Variants in PUM2 observed in about 807,000 individuals in gnomAD.
PUM2 encodes pumilio RNA binding family member 2.
A neutral mutation model predicts 124.5 loss-of-function variants in PUM2; 57 were observed. The observed-to-expected ratio is 0.46, with a 90% confidence interval of 0.37 to 0.57. The LOEUF (loss-of-function observed/expected upper bound fraction) is 0.57, where lower values mean the gene tolerates loss of function less well. PUM2 is among the 20% of genes least tolerant of loss of function. The probability of loss-of-function intolerance (pLI) is 0.00; values close to 1 mark genes in which losing one functional copy is unlikely to be tolerated. For synonymous variants in PUM2, 460 were observed against 446.1 expected (o/e 1.03, Z -0.39); for missense variants, 1,065 against 1,290.6 (o/e 0.83, Z 2.68).
intron 19 of PUM2, 64 bp downstream of exon 19, chr2:20,254,799 G>A: frequency 1.3e-6 from 2 of 1,512,050 alleles, no homozygotes; most frequent in Non-Finnish European, 1.8e-6. Context: ...GTATTTCTGT[G>A]ATAACTAATA....
At chr2:20,283,296 T>C in intron 11 of PUM2, 47 bp downstream of exon 11, 2 of 1,607,590 alleles carry the variant, frequency 1.2e-6, no homozygotes, top group Non-Finnish European at 1.7e-6. Context: ...AAAAATGGTA[T>C]CTCAACACCA....
intron 7 of PUM2, among the ~76,000 whole-genome samples, chr2:20,306,604 CTTTT>C (rs752275959): frequency 1.0e-4 from 13 of 126,454 alleles, no homozygotes; most frequent in African/African-American, 3.9e-4. Flanking sequence ...TAAATGTGGA[CTTTT>C]TTTTTTTTTT....
intron 13 of PUM2, among the ~76,000 whole-genome samples, chr2:20,265,470 A>C (rs1051720315): frequency 6.6e-6 from 1 of 152,212 alleles, no homozygotes; most frequent in Non-Finnish European, 1.5e-5. Context: ...ACAATAATTG[A>C]TCACTAGCCC....
intron 13 of PUM2, among the ~76,000 whole-genome samples, chr2:20,265,128 T>C (rs1478257831): frequency 6.6e-6 from 1 of 151,946 alleles, no homozygotes; most frequent in Non-Finnish European, 1.5e-5. Flanking sequence ...GGCGTGCACC[T>C]GTAATCCCAG....
intron 4 of PUM2, 53 bp downstream of exon 4, chr2:20,312,183 A>G: frequency 6.9e-7 from 1 of 1,453,276 alleles, no homozygotes; most frequent in South Asian, 1.3e-5. Flanking sequence ...AAAGTAACGT[A>G]ACCAAATAAC....
Position 20,312,299 on chromosome 2 carries a change from T to C in PUM2, c.285A>G (p.Val95=), listed in dbSNP as rs1679785692. Residue 95 remains valine, a synonymous_variant, in exon 4 of 21, where the codon GTA becomes GTG. Transcript: ENST00000361078. ...SESGGLGVSM[V]EYVLSSSPAD... ...CAGGAGAAGAACTTAATACATATTC[T>C]ACCATGCTCACACCAAGGCCTCCAC... 1.2e-6 allele frequency: 2 copies of C among 1,613,588 alleles called. No homozygotes were observed. Among genetic ancestry groups the C allele is most frequent in the African/African-American group, 1.3e-5 (1 of 75,036 alleles).
At chr2:20,319,209 T>C (rs144210311) in intron 2 of PUM2, among the ~76,000 whole-genome samples, 2 of 152,310 alleles carry the variant, frequency 1.3e-5, no homozygotes, top group African/African-American at 2.4e-5. Context: ...CTCTATCCTA[T>C]ACTGTGACAT....
At chr2:20,287,098 G>A (rs1460721249) in intron 10 of PUM2, among the ~76,000 whole-genome samples, 1 of 152,136 alleles carries the variant, frequency 6.6e-6, no homozygotes, top group Non-Finnish European at 1.5e-5. Context: ...TCTAGCACAG[G>A]AGGAAACACA....
At chr2:20,279,326 G>A (rs1366417190) in intron 12 of PUM2, among the ~76,000 whole-genome samples, 1 of 152,068 alleles carries the variant, frequency 6.6e-6, no homozygotes, top group Non-Finnish European at 1.5e-5. Context: ...AGCCCTTTAA[G>A]TCCATATTGG....
chr2:20,286,701 TTCTC>T lies in PUM2; in HGVS notation c.1292-3219_1292-3216del, dbSNP rs531588420. On this transcript the variant is annotated intron_variant, in intron 10 of 20. Coordinates refer to ENST00000361078, the MANE Select transcript of PUM2 (RefSeq NM_015317.5). ...CTTCCTTCTACATTCTTTGGTTTTA[TTCTC>T]TCTCTTTTTTTTAGAGTTTCTGGAT... 2.5e-3 allele frequency among the ~76,000 whole-genome samples: 382 copies of T among 152,318 alleles called. 3 individuals are homozygous for T. Among genetic ancestry groups the T allele is most frequent in the Non-Finnish European group, 4.4e-3 (298 of 68,014 alleles).
In PUM2 at chr2:20,263,309, CATA is replaced by C; in HGVS notation, c.2106_2108del (p.Ile702del). 6.2e-7 allele frequency: 1 copy of C among 1,614,070 alleles called. No homozygotes were observed. The highest frequency in any genetic ancestry group is 8.5e-7 in the Non-Finnish European group (1 of 1,179,926). ...CCAATAATCTACTGCGGCCAGAAGG[CATA>C]ATATCAGACCTATTATACCGAAGCC... On this transcript the variant is annotated inframe_deletion, in exon 14 of 21. Transcript: ENST00000361078.
chr2:20,307,952 C>A, intron 7 of PUM2, 26 bp downstream of exon 7: 4 of 1,591,326 alleles, frequency 2.5e-6, no homozygotes, highest in South Asian at 2.3e-5. Flanking sequence ...AGACTTTGGT[C>A]AAAATGAGAA....
At chr2:20,263,643 T>C (rs1300667780) in intron 13 of PUM2, among the ~76,000 whole-genome samples, 183 bp from the exon 14 acceptor site, 6 of 152,168 alleles carry the variant, frequency 3.9e-5, no homozygotes, top group South Asian at 2.1e-4. Context: ...TATGTGGCTA[T>C]ATGATAAAGA....
chr2:20,330,504 C>G (rs2148906785), intron 1 of PUM2, among the ~76,000 whole-genome samples: 1 of 152,250 alleles, frequency 6.6e-6, no homozygotes, highest in Non-Finnish European at 1.5e-5. Flanking sequence ...TGAGGTGAGA[C>G]TTCTGCAAAA....
In PUM2 at chr2:20,308,543, A is replaced by T; in HGVS notation, c.560T>A (p.Val187Asp). The T allele has an allele frequency of 6.2e-7, 1 of 1,614,040 alleles. No individual in the cohort carries two copies. Among genetic ancestry groups the T allele is most frequent in the Middle Eastern group, 1.7e-4 (1 of 6,058 alleles). ...ATTAGTATTGGGGCCCAAGCGCTCA[A>T]CTACTTCAGTTGGAGAGGCTTGACG... ...GSRQASPTEV[V>D]ERLGPNTNPS... Residue 187 changes from valine to aspartate, a missense_variant, in exon 6 of 21, where the codon GTT becomes GAT. Transcript: ENST00000361078.
intron 3 of PUM2, among the ~76,000 whole-genome samples, chr2:20,317,882 T>C (rs1289763685): frequency 6.6e-6 from 1 of 152,202 alleles, no homozygotes; most frequent in Non-Finnish European, 1.5e-5. Flanking sequence ...CTTTTTTTCA[T>C]GGCTGCATAG....
chr2:20,313,614 G>A (rs551187276), intron 3 of PUM2, among the ~76,000 whole-genome samples: 1 of 152,170 alleles, frequency 6.6e-6, no homozygotes, highest in South Asian at 2.1e-4. Flanking sequence ...AGGATCACTT[G>A]AGCAGAGGAG....
chr2:20,295,392 C>T (rs929927201), intron 8 of PUM2, among the ~76,000 whole-genome samples: 1 of 152,016 alleles, frequency 6.6e-6, no homozygotes, highest in Non-Finnish European at 1.5e-5. Context: ...GTCAAACTCT[C>T]GGTTTCACGT....
intron 3 of PUM2, among the ~76,000 whole-genome samples, chr2:20,317,274 C>T (rs142741808): frequency 3.3e-5 from 5 of 152,086 alleles, no homozygotes; most frequent in African/African-American, 7.2e-5. Flanking sequence ...ACTCCTTATA[C>T]ACCAGTTAAT....
Sources: gnomAD v4.1 joint callset for allele counts (sites outside exome capture counted in the v4.1 genomes callset) on GRCh38, gnomAD v4.1.1 for gene constraint, MANE v1.5 for transcripts, NCBI Gene and HGNC (gene_info 2026-07-23, HGNC 2026-07-21) for gene names.